The following SYN2 variants were observed in gnomAD, a reference collection of about 807,000 sequenced individuals.
SYN2 encodes synapsin-2.
A neutral mutation model predicts 50.9 loss-of-function variants in SYN2; 19 were observed. The ratio of observed to expected loss-of-function variants is 0.37; its 90% CI spans 0.26 to 0.55. The LOEUF (loss-of-function observed/expected upper bound fraction) is 0.55, where lower values mean the gene tolerates loss of function less well. SYN2 is among the 20% of genes least tolerant of loss of function. The pLI, the probability that SYN2 is intolerant of heterozygous loss-of-function variation, is 0.81. For missense variants in SYN2, 587 were observed against 576.4 expected, an observed-to-expected ratio of 1.02 and a Z score of -0.19; for synonymous variants, 255 against 224.9, an observed-to-expected ratio of 1.13 and a Z score of -1.20.
At chr3:12,109,561 A>T (rs1696270792) in intron 1 of SYN2, among the ~76,000 whole-genome samples, 2 of 152,316 alleles carry the variant, frequency 1.3e-5, no homozygotes, top group South Asian at 4.1e-4. Flanking sequence ...ACAGCCTGCC[A>T]TTTAGTTAGC....
chr3:12,073,249 A>G (rs951332875), intron 1 of SYN2, among the ~76,000 whole-genome samples: 91 of 152,344 alleles, frequency 6.0e-4, no homozygotes, highest in African/African-American at 2.1e-3. Flanking sequence ...TCTTCAGAGA[A>G]TAAATTCTGG....
intron 1 of SYN2, among the ~76,000 whole-genome samples, chr3:12,081,402 G>A (rs1695585108): frequency 6.6e-6 from 1 of 151,944 alleles, no homozygotes; most frequent in Non-Finnish European, 1.5e-5. Flanking sequence ...TTGCTTTTTT[G>A]GCATTCCTTA....
chr3:12,092,550 C>T (rs1421187231), intron 1 of SYN2, among the ~76,000 whole-genome samples: 1 of 152,118 alleles, frequency 6.6e-6, no homozygotes, highest in African/African-American at 2.4e-5. Context: ...ACTATTATTC[C>T]AAGCAGATCT....
At chr3:12,037,207 C>A (rs1443183794) in intron 1 of SYN2, among the ~76,000 whole-genome samples, 3 of 152,200 alleles carry the variant, frequency 2.0e-5, no homozygotes, top group African/African-American at 7.2e-5. Flanking sequence ...CAGCTCTCAT[C>A]TTTTTCTGAC....
chr3:12,153,569 C>G, intron 5 of SYN2: 1 of 1,614,132 alleles, frequency 6.2e-7, no homozygotes, highest in Non-Finnish European at 8.5e-7. Context: ...GGCCCCGGTA[C>G]CAGCTGCAGG....
chr3:12,153,753 CCTT>C (rs554940315), intron 5 of SYN2: 43 of 1,603,246 alleles, frequency 2.7e-5, no homozygotes, highest in Non-Finnish European at 3.6e-5. Flanking sequence ...AGTAGGGTGT[CCTT>C]CTTTTTCCAT....
chr3:12,022,815 T>A (rs551374046), intron 1 of SYN2, among the ~76,000 whole-genome samples: 2 of 152,220 alleles, frequency 1.3e-5, no homozygotes, highest in East Asian at 3.9e-4. Context: ...CCCAAAGTGC[T>A]GGGATGACAG....
rs1358298465 is a variant in SYN2 at position 12,121,665 on chromosome 3, AG to A, written c.378-18984del. 1.6e-3 allele frequency among the ~76,000 whole-genome samples: 226 copies of A among 142,120 alleles called. 2 individuals are homozygous for A. Among genetic ancestry groups the A allele is most frequent in the African/African-American group, 5.6e-3 (221 of 39,150 alleles). The allele number at this position is 142,120 out of a possible 152,430, so 93.2% of individuals were successfully genotyped here. A position where few individuals can be genotyped will look rare whatever the true frequency, so the allele number is the denominator to read the frequency against. Reference sequence around the variant, plus strand: ...GAAGGTAAGGGGAAGGGAAGGAGAAAGGAAGGGAAGGAGAAAGGAAGGGAAG... The same window carrying A: ...GAAGGTAAGGGGAAGGGAAGGAGAAAGAAGGGAAGGAGAAAGGAAGGGAAG... On this transcript the variant is annotated intron_variant, in intron 1 of 12. Transcript: ENST00000621198.
At chr3:12,172,661 A>G (rs1424560657) in intron 10 of SYN2, among the ~76,000 whole-genome samples, 1 of 152,194 alleles carries the variant, frequency 6.6e-6, no homozygotes, top group Non-Finnish European at 1.5e-5. Flanking sequence ...GGGCTTCATG[A>G]TGTAGGCATG....
chr3:12,077,876 G>C (rs1217928514), intron 1 of SYN2, among the ~76,000 whole-genome samples: 1 of 152,136 alleles, frequency 6.6e-6, no homozygotes, highest in Non-Finnish European at 1.5e-5. Flanking sequence ...TCTGGTTCTA[G>C]GTCTTTGTGG....
chr3:12,027,693 A>C (rs752685171), intron 1 of SYN2, among the ~76,000 whole-genome samples: 5 of 152,216 alleles, frequency 3.3e-5, no homozygotes, highest in Non-Finnish European at 4.4e-5. Flanking sequence ...TGGTTAAGTA[A>C]CTTCCCCAAA....
chr3:12,167,801 G>A (rs552026178), intron 8 of SYN2, among the ~76,000 whole-genome samples: 2 of 152,314 alleles, frequency 1.3e-5, no homozygotes, highest in South Asian at 4.1e-4. Flanking sequence ...GAACTTCTTA[G>A]AGACTGGTTA....
At chr3:12,021,150 C>G (rs1274675283) in intron 1 of SYN2, among the ~76,000 whole-genome samples, 3 of 152,054 alleles carry the variant, frequency 2.0e-5, no homozygotes, top group African/African-American at 7.2e-5. Flanking sequence ...ATTTATAATT[C>G]TGTTAAAGAA....
At chr3:12,159,906 G>T (rs1047836688) in intron 5 of SYN2, among the ~76,000 whole-genome samples, 1 of 151,986 alleles carries the variant, frequency 6.6e-6, no homozygotes, top group South Asian at 2.1e-4. Context: ...AGCCGGGCGT[G>T]GTGGCCTACA....
At chr3:12,166,302 CTG>C (rs1225205485) in intron 7 of SYN2, among the ~76,000 whole-genome samples, 1 of 152,254 alleles carries the variant, frequency 6.6e-6, no homozygotes, top group African/African-American at 2.4e-5. Flanking sequence ...TTCCTCTTGA[CTG>C]TGTCTGGATG....
intron 10 of SYN2, among the ~76,000 whole-genome samples, chr3:12,172,480 T>C (rs376974858): frequency 4.4e-4 from 67 of 152,302 alleles, no homozygotes; most frequent in African/African-American, 1.2e-3. Flanking sequence ...AGATCAAAAC[T>C]AAGCCAAAGG....
chr3:12,158,966 GC>G, intron 5 of SYN2: 2 of 1,338,884 alleles, frequency 1.5e-6, no homozygotes, highest in South Asian at 1.6e-5. Context: ...GGCCAATCCC[GC>G]CCCGACGGGC....
At chr3:12,049,948 GTTTGTTTTT>G (rs1020350978) in intron 1 of SYN2, among the ~76,000 whole-genome samples, 3 of 152,060 alleles carry the variant, frequency 2.0e-5, no homozygotes, top group African/African-American at 7.2e-5. Context: ...TTTTTGTTTT[GTTTGTTTTT>G]GTTTTTGAGG....
At chr3:12,130,248 G>GTA (rs1266093809) in intron 1 of SYN2, among the ~76,000 whole-genome samples, 6 of 151,620 alleles carry the variant, frequency 4.0e-5, no homozygotes, top group Non-Finnish European at 4.4e-5. Flanking sequence ...GTGTGTGTGT[G>GTA]TGTGCATGTG....
Sources: allele counts gnomAD v4.1 joint callset (sites outside exome capture counted in the v4.1 genomes callset), GRCh38; gene constraint gnomAD v4.1.1; transcripts MANE v1.5; gene names NCBI Gene and HGNC (gene_info 2026-07-23, HGNC 2026-07-21).